The following CUL2 variants were observed in gnomAD, a reference collection of about 807,000 sequenced individuals.
CUL2 encodes cullin-2.
Under a neutral mutation model 110.2 loss-of-function variants are expected in CUL2, and 22 were observed. The ratio of observed to expected loss-of-function variants is 0.20; its 90% CI spans 0.14 to 0.28. CUL2 has a LOEUF of 0.28. CUL2 is among the 10% of genes least tolerant of loss of function. The probability of loss-of-function intolerance (pLI) is 1.00; values close to 1 mark genes in which losing one functional copy is unlikely to be tolerated. For synonymous variants in CUL2, 279 were observed against 293.2 expected, an observed-to-expected ratio of 0.95 and a Z score of 0.49; for missense variants, 631 against 905.5, an observed-to-expected ratio of 0.70 and a Z score of 3.89.
chr10:35,087,596 C>G (rs922748768), intron 1 of CUL2, among the ~76,000 whole-genome samples: 1 of 152,134 alleles, frequency 6.6e-6, no homozygotes, highest in African/African-American at 2.4e-5. Context: ...GCCTGCTTCC[C>G]CCAACCTCTT....
At chr10:35,032,375 G>T in intron 12 of CUL2, 60 bp downstream of exon 12, 1 of 1,364,918 alleles carries the variant, frequency 7.3e-7, no homozygotes, top group African/African-American at 1.5e-5. Context: ...GATATTCTGA[G>T]TTCTCATTTT....
Position 35,033,282 on chromosome 10 carries a change from G to T in CUL2, c.1003-9C>A. Reference sequence around the variant, plus strand: ...ACAAATAGTGTTGGCATCTAAAAATGAAATATAAGTACAAAACCACATTTT... The same window carrying T: ...ACAAATAGTGTTGGCATCTAAAAATTAAATATAAGTACAAAACCACATTTT... On this transcript the variant is annotated splice_polypyrimidine_tract_variant and intron_variant, in intron 10 of 20. Coordinates refer to ENST00000374749, the MANE Select transcript of CUL2 (RefSeq NM_003591.4). 3 of 1,586,420 alleles carry T rather than the reference G, an allele frequency of 1.9e-6. No individual in the cohort carries two copies. The highest frequency in any genetic ancestry group is 2.6e-6 in the Non-Finnish European group (3 of 1,155,374).
At chr10:35,114,032 C>G (rs1351519351) in intron 1 of CUL2, among the ~76,000 whole-genome samples, 2 of 151,448 alleles carry the variant, frequency 1.3e-5, no homozygotes. Context: ...CTCAGCCTCC[C>G]GAGTAGCTGG....
At chr10:35,104,315 G>A (rs2087426256) in intron 1 of CUL2, among the ~76,000 whole-genome samples, 1 of 152,144 alleles carries the variant, frequency 6.6e-6, no homozygotes, top group Non-Finnish European at 1.5e-5. Flanking sequence ...ACATGGTGTA[G>A]TGCATTTGTA....
At chr10:35,061,039 C>A in intron 3 of CUL2, 71 bp from the exon 4 acceptor site, 1 of 1,446,864 alleles carries the variant, frequency 6.9e-7, no homozygotes, top group Admixed American at 2.1e-5. Context: ...TAAAATGTAT[C>A]AAAATTAATG....
intron 1 of CUL2, among the ~76,000 whole-genome samples, chr10:35,086,852 T>G (rs886756810): frequency 6.6e-6 from 1 of 152,228 alleles, no homozygotes; most frequent in Non-Finnish European, 1.5e-5. Flanking sequence ...TTAACTACTA[T>G]TTAACACTCT....
At chr10:35,012,112 G>GA (rs1378867970) in intron 19 of CUL2, 148 bp from the exon 20 acceptor site, 1 of 577,256 alleles carries the variant, frequency 1.7e-6, no homozygotes, top group Admixed American at 3.1e-5. Context: ...GGAGTTCAGT[G>GA]ACTCGCTCTC....
At chr10:35,078,921 A>T (rs2086884431) in intron 1 of CUL2, among the ~76,000 whole-genome samples, 1 of 152,172 alleles carries the variant, frequency 6.6e-6, no homozygotes. Context: ...CAGATAGTTA[A>T]GACACCATAA....
chr10:35,115,139 G>A (rs183018389), intron 1 of CUL2, among the ~76,000 whole-genome samples: 107 of 152,010 alleles, frequency 7.0e-4, no homozygotes, highest in African/African-American at 2.5e-3. Flanking sequence ...TTGAACCCAG[G>A]AGGCAGGAGA....
In CUL2 at chr10:35,025,213, A is replaced by C. The variant is rs2085305482; in HGVS notation, c.1618-15T>G. On this transcript the variant is annotated splice_polypyrimidine_tract_variant and intron_variant, in intron 16 of 20. Coordinates refer to ENST00000374749, the MANE Select transcript of CUL2 (RefSeq NM_003591.4). ...AATAATTCAAACTGTAAAAAAAAAA[A>C]AAAAACACACATTATTTTTAGCTAC... The C allele has an allele frequency of 4.5e-6, 7 of 1,562,392 alleles. No homozygotes were observed. The highest frequency in any genetic ancestry group is 4.6e-5 in the East Asian group (2 of 43,730).
At chr10:35,025,059 G>GA (rs1221266056) in intron 17 of CUL2, 73 bp downstream of exon 17, 1 of 1,399,616 alleles carries the variant, frequency 7.1e-7, no homozygotes, top group African/African-American at 1.5e-5. Flanking sequence ...TTGGGCCATA[G>GA]AAAACCTCTT....
At position 35,009,941 on chromosome 10, in the gene CUL2, G is replaced by T. The variant is rs1424679990; in HGVS notation, c.*370C>A. The T allele has an allele frequency of 1.4e-5, 2 of 147,440 alleles. No individual in the cohort carries two copies. The highest frequency in any genetic ancestry group is 3.0e-5 in the Non-Finnish European group (2 of 67,688). 9.1% of individuals were successfully genotyped at this position (147,440 alleles called of 1,614,324 possible). ...TGTAGATACAATTATTAGGTTATCT[G>T]TCATATTACAATATTTAAGTTTTTA... On this transcript the variant is annotated 3_prime_UTR_variant, in exon 21 of 21. Coordinates refer to ENST00000374749, the MANE Select transcript of CUL2 (RefSeq NM_003591.4).
chr10:35,099,063 A>G (rs1480627972), intron 2 of CUL2, among the ~76,000 whole-genome samples: 1 of 152,134 alleles, frequency 6.6e-6, no homozygotes, highest in Non-Finnish European at 1.5e-5. Flanking sequence ...GGACTAAAAG[A>G]CGTAGTTCCT....
intron 1 of CUL2, among the ~76,000 whole-genome samples, chr10:35,115,378 A>G (rs549176458): frequency 7.7e-4 from 117 of 151,222 alleles, no homozygotes; most frequent in African/African-American, 2.7e-3. Flanking sequence ...TGGCAAACAT[A>G]ATGAAACCCC....
intron 20 of CUL2, among the ~76,000 whole-genome samples, chr10:35,011,609 C>A (rs1338463408): frequency 6.6e-6 from 1 of 152,128 alleles, no homozygotes; most frequent in African/African-American, 2.4e-5. Flanking sequence ...CAGAGCAAGA[C>A]TCTGTCTCAA....
In CUL2 at chr10:35,010,307, G is replaced by A. The variant is rs776450784; in HGVS notation, c.*4C>T. ...TTCTCACACCACGCTGGAGGAGAGC[G>A]ACATCACGCGACGTAGCTGTATTCA... On this transcript the variant is annotated 3_prime_UTR_variant, in exon 21 of 21. Coordinates refer to ENST00000374749, the MANE Select transcript of CUL2 (RefSeq NM_003591.4). 19 of 1,603,350 alleles carry A rather than the reference G, an allele frequency of 1.2e-5. No individual in the cohort carries two copies. The highest frequency in any genetic ancestry group is 3.4e-5 in the Admixed American group (2 of 58,696).
At position 35,013,494 on chromosome 10, in the gene CUL2, C is replaced by G. The variant is rs529942691; in HGVS notation, c.1989+205G>C. Among the ~76,000 whole-genome samples the G allele has an allele frequency of 2.0e-5, 3 of 152,120 alleles. No individual in the cohort carries two copies. In the East Asian group the frequency reaches 5.8e-4, roughly 29 times the overall value. ...TAAGAGCAAATACAACAAAACCATA[C>G]CCTTTTCCTTAGAAAAAACTAAAAT... On this transcript the variant is annotated intron_variant, in intron 19 of 20. Transcript: ENST00000374749.
intron 1 of CUL2, among the ~76,000 whole-genome samples, chr10:35,081,794 G>A (rs2086952979): frequency 6.6e-6 from 1 of 152,134 alleles, no homozygotes; most frequent in Admixed American, 6.5e-5. Context: ...TAGGGAGGCT[G>A]GGATGGGAGG....
intron 1 of CUL2, among the ~76,000 whole-genome samples, chr10:35,106,644 T>C (rs573104956): frequency 2.0e-5 from 3 of 152,136 alleles, no homozygotes; most frequent in African/African-American, 7.2e-5. Context: ...ATGTTTGTTG[T>C]TTATAAGCCA....
Sources: gnomAD v4.1 joint callset for allele counts (sites outside exome capture counted in the v4.1 genomes callset) on GRCh38, gnomAD v4.1.1 for gene constraint, MANE v1.5 for transcripts, NCBI Gene and HGNC (gene_info 2026-07-23, HGNC 2026-07-21) for gene names.